The following MAP3K5 variants were observed in gnomAD, a reference collection of about 807,000 sequenced individuals.
MAP3K5 encodes the protein mitogen-activated protein kinase kinase kinase 5.
In MAP3K5, 56 loss-of-function variants were observed where a neutral mutation model predicts 158.7. The ratio of observed to expected loss-of-function variants is 0.35; its 90% CI spans 0.28 to 0.44. The LOEUF is 0.44. Ranked by LOEUF, MAP3K5 falls within the 20% of genes least tolerant of loss-of-function variation. The probability of loss-of-function intolerance (pLI) is 1.00; values close to 1 mark genes in which losing one functional copy is unlikely to be tolerated. For missense variants in MAP3K5, 1,294 were observed against 1,674.8 expected, an observed-to-expected ratio of 0.77 and a Z score of 3.97; for synonymous variants, 579 against 601.7, an observed-to-expected ratio of 0.96 and a Z score of 0.55.
At chr6:136,784,554 G>A (rs775642101) in intron 1 of MAP3K5, among the ~76,000 whole-genome samples, 1 of 152,068 alleles carries the variant, frequency 6.6e-6, no homozygotes, top group Non-Finnish European at 1.5e-5. Flanking sequence ...CCTAACTAGA[G>A]TTTTCCCTTA....
chr6:136,649,127 G>A (rs529372080), intron 11 of MAP3K5, among the ~76,000 whole-genome samples: 3 of 152,064 alleles, frequency 2.0e-5, no homozygotes, highest in Non-Finnish European at 4.4e-5. Flanking sequence ...GTGCCACCAC[G>A]CCCGGCTAAT....
chr6:136,662,309 T>C (rs1382424112), intron 8 of MAP3K5, among the ~76,000 whole-genome samples: 1 of 152,116 alleles, frequency 6.6e-6, no homozygotes, highest in Non-Finnish European at 1.5e-5. Flanking sequence ...TTTACCAATA[T>C]GACAGAGGAA....
Position 136,698,575 on chromosome 6 carries a change from C to A in MAP3K5, c.720G>T (p.Pro240=). The A allele has an allele frequency of 4.3e-6, 7 of 1,613,976 alleles. No individual in the cohort carries two copies. The highest frequency in any genetic ancestry group is 5.9e-6 in the Non-Finnish European group (7 of 1,179,938). The part of the protein sequence containing the change: ...FMKGLTELMQ[P]NFELLLGPIC... ...TGGGTCCAAGAAGCAGCTCGAAGTT[C>A]GGTTGCATGAGCTCTGTCAACCCCT... Residue 240 remains proline (P), a synonymous_variant, in exon 4 of 30, where the codon CCG becomes CCT. Transcript: ENST00000359015.
At chr6:136,697,630 TTAA>T (rs1288341305) in intron 4 of MAP3K5, among the ~76,000 whole-genome samples, 1 of 141,928 alleles carries the variant, frequency 7.0e-6, no homozygotes, top group African/African-American at 3.1e-5. Context: ...GTACTCCATA[TTAA>T]TAAATTTTCC....
Position 136,634,570 on chromosome 6 carries a change from T to C in MAP3K5, c.2016+2755A>G, listed in dbSNP as rs375249907. ...AAGGATAGAAATGTAAGAATGTTTT[T>C]CTTATGTTTTTCTTTTCTTTTTTTT... On this transcript the variant is annotated intron_variant, in intron 14 of 29. Transcript: ENST00000359015. 2.2e-4 allele frequency among the ~76,000 whole-genome samples: 33 copies of C among 150,858 alleles called. 3 individuals are homozygous for C. Among genetic ancestry groups the C allele is most frequent in the Admixed American group, 1.1e-3 (17 of 15,158 alleles).
At chr6:136,748,254 G>T (rs1346357910) in intron 1 of MAP3K5, among the ~76,000 whole-genome samples, 1 of 152,174 alleles carries the variant, frequency 6.6e-6, no homozygotes, top group African/African-American at 2.4e-5. Context: ...TTCAGATAAA[G>T]AAGGCACTTG....
At position 136,701,334 on chromosome 6, in the gene MAP3K5, T is replaced by C. The variant is rs139996712; in HGVS notation, c.613-2652A>G. Among the ~76,000 whole-genome samples, 220 of 152,350 alleles carry C rather than the reference T, an allele frequency of 1.4e-3. 1 individual carries two copies. Among genetic ancestry groups the C allele is most frequent in the Admixed American group, 3.1e-3 (47 of 15,308 alleles). ...CCTTATGACCGGACTTAATTATTTA[T>C]GACTATGTTATCCTTTAAGGCTGCT... is the stretch of plus-strand genomic sequence containing the variant. On this transcript the variant is annotated intron_variant, in intron 3 of 29. Coordinates refer to ENST00000359015, the MANE Select transcript of MAP3K5 (RefSeq NM_005923.4).
intron 1 of MAP3K5, among the ~76,000 whole-genome samples, chr6:136,762,397 AAGAGCTGTCTGCCC>A (rs1230975378): frequency 6.6e-6 from 1 of 152,222 alleles, no homozygotes; most frequent in African/African-American, 2.4e-5. Context: ...ATACACAGCC[AAGAGCTGTCTGCCC>A]ATGCTTGCAC....
intron 25 of MAP3K5, among the ~76,000 whole-genome samples, chr6:136,571,366 A>G (rs1044409028): frequency 1.3e-5 from 2 of 152,218 alleles, no homozygotes; most frequent in African/African-American, 4.8e-5. Flanking sequence ...CCAAGCTGTC[A>G]GCGGCAGGAG....
rs1271339108 is a variant in MAP3K5 at position 136,613,159 on chromosome 6, T to A, written c.2376A>T (p.Lys792Asn). 6.2e-7 allele frequency: 1 copy of A among 1,613,068 alleles called. No individual in the cohort carries two copies. The change falls in exon 17 of 30, where the codon AAA (lysine) becomes AAT (asparagine). Residue 792 changes from lysine (K) to asparagine (N), a missense_variant. By Grantham distance (94) the Lys-to-Asn change is moderately conservative. Coordinates refer to ENST00000359015, the MANE Select transcript of MAP3K5 (RefSeq NM_005923.4). This position sits in a 1 kb window ranked among gnomAD's most constrained non-coding sequence, Gnocchi z 4.0. The stretch of plus-strand genomic sequence containing the variant: ...GAACTATCTGATTGTCATGGAGATA[T>A]TTTAATCCTTCCAGTATTTGCTTTG... ...FYTKQILEGL[K>N]YLHDNQIVHR...
In MAP3K5 at chr6:136,730,503, C is replaced by T. The variant is rs139340002; in HGVS notation, c.449-9914G>A. On this transcript the variant is annotated intron_variant, in intron 1 of 29. Coordinates refer to ENST00000359015, the MANE Select transcript of MAP3K5 (RefSeq NM_005923.4). ...CTGGCAGGCAGAGGCGGGTAGATCA[C>T]GAGGTCAGGAGATCGAGACCATCCT... is the stretch of plus-strand genomic sequence containing the variant. Among the ~76,000 whole-genome samples, 305 of 151,810 alleles carry T rather than the reference C, an allele frequency of 2.0e-3. 1 individual carries two copies. Among genetic ancestry groups the T allele is most frequent in the South Asian group, 4.2e-3 (20 of 4,806 alleles).
chr6:136,752,884 T>G (rs7761011), intron 1 of MAP3K5, among the ~76,000 whole-genome samples: 4,619 of 152,272 alleles, frequency 0.03, 258 homozygotes, highest in African/African-American at 0.11. Flanking sequence ...AGGTCAGCTT[T>G]TAGAAGGCAG....
rs1474853312 is a variant in MAP3K5 at position 136,792,261 on chromosome 6, C to A, written c.-104G>T. 3 of 1,197,708 alleles carry A rather than the reference C, an allele frequency of 2.5e-6. No homozygotes were observed. The African/African-American group carries it at 4.8e-5, about 19-fold the overall frequency. The allele number at this position is 1,197,708 out of a possible 1,614,324, so 74.2% of individuals were successfully genotyped here. ...CCGCGCCCGCCGGGCTAAGCAGCTG[C>A]CATCGCGCGCCGCGCCCTCGCCGCC... On this transcript the variant is annotated 5_prime_UTR_variant, in exon 1 of 30. Transcript: ENST00000359015. The surrounding 1 kb of genome is among the most constrained non-coding windows in gnomAD (Gnocchi z 5.7).
chr6:136,694,498 G>A (rs1780518497), intron 6 of MAP3K5, among the ~76,000 whole-genome samples, 188 bp from the exon 7 acceptor site: 1 of 152,166 alleles, frequency 6.6e-6, no homozygotes, highest in African/African-American at 2.4e-5. Context: ...CCCATTGTAT[G>A]TCTACTAGGT....
rs1445256974 is a variant in MAP3K5, at chr6:136,564,344, C to T, written c.3762-1729G>A. On this transcript the variant is annotated intron_variant, in intron 26 of 29. Coordinates refer to ENST00000359015, the MANE Select transcript of MAP3K5 (RefSeq NM_005923.4). ...AAAGTAAAACACAATAAGAGGTAGA[C>T]AGAGAAGGTGGGTGGAGGAAAATAA... Among the ~76,000 whole-genome samples, 9 of 152,210 alleles carry T rather than the reference C, an allele frequency of 5.9e-5. No individual in the cohort carries two copies. In the East Asian group the frequency reaches 1.4e-3, roughly 23 times the overall value.
Position 136,753,497 on chromosome 6 carries a change from AT to A in MAP3K5, c.449-32909del, listed in dbSNP as rs779701209. 2.7e-3 allele frequency among the ~76,000 whole-genome samples: 408 copies of A among 149,958 alleles called. 8 individuals carry two copies. In the South Asian group the frequency reaches 0.032, roughly 12 times the overall value. On this transcript the variant is annotated intron_variant, in intron 1 of 29. Coordinates refer to ENST00000359015, the MANE Select transcript of MAP3K5 (RefSeq NM_005923.4). Reference sequence around the variant, plus strand: ...GCAAGGGAACATCACCACAGATAGTATTTTTTTTTTTCCGGAATCTAAAAGG... The same window carrying A: ...GCAAGGGAACATCACCACAGATAGTATTTTTTTTTTCCGGAATCTAAAAGG...
At chr6:136,642,716 G>T in intron 11 of MAP3K5, 147 bp from the exon 12 acceptor site, 1 of 633,706 alleles carries the variant, frequency 1.6e-6, no homozygotes, top group Non-Finnish European at 2.8e-6. Context: ...TGGATGGAAA[G>T]CACAATTCAT....
At chr6:136,701,445 T>C (rs1780851241) in intron 3 of MAP3K5, among the ~76,000 whole-genome samples, 1 of 152,198 alleles carries the variant, frequency 6.6e-6, no homozygotes, top group Admixed American at 6.5e-5. Context: ...AGATTTGATT[T>C]GAAAATCAAG....
chr6:136,604,110 T>A (rs1775995450), intron 19 of MAP3K5, among the ~76,000 whole-genome samples: 1 of 152,138 alleles, frequency 6.6e-6, no homozygotes, highest in South Asian at 2.1e-4. Flanking sequence ...GGGCCTGAGC[T>A]CAGGAGTTTG....
Sources: allele counts gnomAD v4.1 joint callset (sites outside exome capture counted in the v4.1 genomes callset), GRCh38; gene constraint gnomAD v4.1.1; non-coding constraint Gnocchi (gnomAD v3.1); transcripts MANE v1.5; gene names NCBI Gene and HGNC (gene_info 2026-07-23, HGNC 2026-07-21).